Variants in GGA2 observed in about 807,000 individuals in gnomAD.
GGA2 encodes the protein ADP-ribosylation factor-binding protein GGA2.
In GGA2, 48 loss-of-function variants were observed where a neutral mutation model predicts 79.5. The observed-to-expected ratio is 0.60, with a 90% CI of 0.48 to 0.77. The LOEUF (loss-of-function observed/expected upper bound fraction) is 0.77, where lower values mean the gene tolerates loss of function less well. Ranked by LOEUF, GGA2 falls within the 30% of genes least tolerant of loss-of-function variation. The pLI is 0.00. For missense variants in GGA2, 770 were observed against 774.0 expected (o/e 0.99, Z 0.06); for synonymous variants, 317 against 302.0 (o/e 1.05, Z -0.51).
chr16:23,510,592 T>A, upstream of GGA2: 1 of 384,378 alleles, frequency 2.6e-6, no homozygotes, highest in Non-Finnish European at 4.6e-6. Context: ...CATTTCTTAG[T>A]CCAGATCCCT....
intron 4 of GGA2, 130 bp from the exon 5 acceptor site, chr16:23,491,930 T>C (rs1338829541): frequency 3.4e-6 from 2 of 584,160 alleles, no homozygotes; most frequent in African/African-American, 1.9e-5. Flanking sequence ...GAGGAGAGAC[T>C]AGAGGCCACA....
intron 14 of GGA2, among the ~76,000 whole-genome samples, chr16:23,474,494 A>C (rs2142116089): frequency 6.6e-6 from 1 of 152,166 alleles, no homozygotes; most frequent in Non-Finnish European, 1.5e-5. Context: ...AGTAGCTGGG[A>C]TTACAGGCAT....
chr16:23,516,526 TAA>T (rs150620045), intron 2 of GGA2, among the ~76,000 whole-genome samples: 2,235 of 152,296 alleles, frequency 0.015, 23 homozygotes, highest in South Asian at 0.02. Flanking sequence ...TGCTCCTGCT[TAA>T]GTCTCTCCTT....
chr16:23,515,685 T>G (rs1567373827), intron 2 of GGA2, among the ~76,000 whole-genome samples: 1 of 152,144 alleles, frequency 6.6e-6, no homozygotes, highest in Non-Finnish European at 1.5e-5. Context: ...AATACCAATC[T>G]TCTGTCCTTG....
rs564172765 is a variant in GGA2 at position 23,464,996 on chromosome 16, C to T, written c.*2594G>A. The T allele has an allele frequency of 2.0e-4, 60 of 299,994 alleles. No individual in the cohort carries two copies. The highest frequency in any genetic ancestry group is 2.8e-4 in the Non-Finnish European group (45 of 159,572). The allele number at this position is 299,994 out of a possible 1,614,324, so 18.6% of individuals were successfully genotyped here. On this transcript the variant is annotated 3_prime_UTR_variant, in exon 17 of 17. Coordinates refer to ENST00000309859, the MANE Select transcript of GGA2 (RefSeq NM_015044.4). Reference sequence around the variant, plus strand: ...AAAGAGCAGTCACGGAGGTAGGTCACGAAATGGGTCAACAGGACCCCCGAA... The same window carrying T: ...AAAGAGCAGTCACGGAGGTAGGTCATGAAATGGGTCAACAGGACCCCCGAA...
At chr16:23,475,228 T>C (rs2080573598) in intron 13 of GGA2, among the ~76,000 whole-genome samples, 167 bp from the exon 14 acceptor site, 1 of 150,298 alleles carries the variant, frequency 6.7e-6, no homozygotes, top group Non-Finnish European at 1.5e-5. Flanking sequence ...CTCGCTCTGT[T>C]GCCCAGGCTG....
At chr16:23,501,592 G>A in intron 1 of GGA2, 1 of 296,518 alleles carries the variant, frequency 3.4e-6, no homozygotes, top group Non-Finnish European at 6.7e-6. Context: ...ACAAAGACTT[G>A]CATCAACATG....
intron 16 of GGA2, among the ~76,000 whole-genome samples, chr16:23,468,298 C>T (rs183505999): frequency 6.6e-6 from 1 of 152,022 alleles, no homozygotes; most frequent in East Asian, 1.9e-4. Context: ...CTGCCTCACT[C>T]TCCCGAGTAG....
intron 2 of GGA2, among the ~76,000 whole-genome samples, chr16:23,515,688 T>C (rs1000505918): frequency 6.6e-5 from 10 of 152,184 alleles, no homozygotes; most frequent in Non-Finnish European, 1.5e-4. Flanking sequence ...ACCAATCTTC[T>C]GTCCTTGGTA....
chr16:23,487,504 C>A (rs1964730283), intron 6 of GGA2, among the ~76,000 whole-genome samples: 1 of 152,124 alleles, frequency 6.6e-6, no homozygotes, highest in African/African-American at 2.4e-5. Context: ...TTGCCCTGGA[C>A]CATGTGCTTT....
chr16:23,520,784 C>A (rs1238553497), intron 1 of GGA2, among the ~76,000 whole-genome samples: 1 of 151,762 alleles, frequency 6.6e-6, no homozygotes, highest in Non-Finnish European at 1.5e-5. Context: ...TTATTAATTT[C>A]GCTTTTTTAT....
intron 1 of GGA2, among the ~76,000 whole-genome samples, chr16:23,509,775 CGT>C (rs201625518): frequency 6.0e-5 from 9 of 148,876 alleles, no homozygotes; most frequent in African/African-American, 1.7e-4. Flanking sequence ...CACACACACA[CGT>C]GTGTGTGTGT....
intron 1 of GGA2, chr16:23,501,137 C>T (rs1288672770): frequency 4.8e-6 from 2 of 416,676 alleles, no homozygotes; most frequent in Non-Finnish European, 4.7e-6. Flanking sequence ...GGAAATCCTT[C>T]GAGCATGATC....
intron 13 of GGA2, among the ~76,000 whole-genome samples, chr16:23,475,512 T>A (rs1206514912): frequency 6.6e-6 from 1 of 151,862 alleles, no homozygotes; most frequent in Non-Finnish European, 1.5e-5. Flanking sequence ...TGTCAAGTAA[T>A]CGAACTCATA....
At chr16:23,475,609 A>G (rs1351550448) in intron 13 of GGA2, among the ~76,000 whole-genome samples, 1 of 152,024 alleles carries the variant, frequency 6.6e-6, no homozygotes, top group East Asian at 1.9e-4. Context: ...ACGATGTATG[A>G]AAAGCACTTA....
At chr16:23,509,903 C>A (rs950351157) in intron 1 of GGA2, among the ~76,000 whole-genome samples, 3 of 151,888 alleles carry the variant, frequency 2.0e-5, no homozygotes, top group Admixed American at 6.6e-5. Context: ...TGCACGACTG[C>A]GTCTCCTTAA....
intron 1 of GGA2, among the ~76,000 whole-genome samples, chr16:23,499,573 G>A (rs1424093195): frequency 6.6e-6 from 1 of 152,206 alleles, no homozygotes; most frequent in Admixed American, 6.5e-5. Flanking sequence ...GCTAGAGCTT[G>A]TATCATGAGG....
chr16:23,478,847 C>A, intron 12 of GGA2, 36 bp downstream of exon 12: 1 of 1,504,614 alleles, frequency 6.6e-7, no homozygotes, highest in Non-Finnish European at 9.2e-7. Flanking sequence ...GAGACCCTCC[C>A]ATTCTCTCTC....
At chr16:23,493,273 G>T in intron 4 of GGA2, 87 bp downstream of exon 4, 4 of 811,686 alleles carry the variant, frequency 4.9e-6, no homozygotes, top group South Asian at 4.1e-5. Context: ...CCATGCGTGG[G>T]CCTGCCTCTG....
Sources: gnomAD v4.1 joint callset for allele counts (sites outside exome capture counted in the v4.1 genomes callset) on GRCh38, gnomAD v4.1.1 for gene constraint, MANE v1.5 for transcripts, NCBI Gene and HGNC (gene_info 2026-07-23, HGNC 2026-07-21) for gene names.